Variants in RIT2 observed in about 807,000 individuals in gnomAD.
The protein encoded by RIT2 is Ras like without CAAX 2.
RIT2 carries 24 observed loss-of-function variants against 23.7 expected under a neutral mutation model. The ratio of observed to expected loss-of-function variants is 1.01; its 90% CI spans 0.73 to 1.43. The LOEUF is 1.43. Ranked by LOEUF, RIT2 falls within the 40% of genes most tolerant of loss-of-function variation. RIT2 has a pLI of 0.00. For synonymous variants in RIT2, 107 were observed against 91.1 expected (o/e 1.17, Z -0.99); for missense variants, 236 against 266.9 (o/e 0.88, Z 0.81).
chr18:42,761,454 G>T (rs1913300749), intron 4 of RIT2, among the ~76,000 whole-genome samples: 1 of 152,104 alleles, frequency 6.6e-6, no homozygotes, highest in Admixed American at 6.5e-5. Flanking sequence ...GGACATTAGA[G>T]CAGTGTTCCT....
intron 4 of RIT2, among the ~76,000 whole-genome samples, chr18:42,780,275 T>C (rs1913780368): frequency 2.0e-5 from 3 of 151,908 alleles, no homozygotes; most frequent in Admixed American, 2.0e-4. Context: ...TTCCAGCTCA[T>C]AGGAGGATTT....
At chr18:42,928,741 AATT>A (rs1909247103) in intron 3 of RIT2, among the ~76,000 whole-genome samples, 1 of 151,984 alleles carries the variant, frequency 6.6e-6, no homozygotes, top group Non-Finnish European at 1.5e-5. Flanking sequence ...TGGTTATGTC[AATT>A]TAAATGAAAA....
At chr18:42,902,768 A>G (rs1037155450) in intron 4 of RIT2, among the ~76,000 whole-genome samples, 2 of 151,716 alleles carry the variant, frequency 1.3e-5, no homozygotes, top group African/African-American at 4.8e-5. Flanking sequence ...AAAAGAAACA[A>G]GGAATTGTTA....
chr18:42,806,960 T>C (rs1756175800), intron 4 of RIT2, among the ~76,000 whole-genome samples: 1 of 152,220 alleles, frequency 6.6e-6, no homozygotes, highest in South Asian at 2.1e-4. Flanking sequence ...AGGAAATAAC[T>C]TTTTATCATG....
At chr18:42,820,994 C>T (rs1447959075) in intron 4 of RIT2, among the ~76,000 whole-genome samples, 1 of 152,074 alleles carries the variant, frequency 6.6e-6, no homozygotes, top group Non-Finnish European at 1.5e-5. Flanking sequence ...TCAAGCTTCT[C>T]TTTGTTCTCT....
intron 1 of RIT2, among the ~76,000 whole-genome samples, chr18:43,059,072 G>T (rs1258932385): frequency 6.6e-6 from 1 of 151,898 alleles, no homozygotes; most frequent in Admixed American, 6.6e-5. Flanking sequence ...AGAATGTATG[G>T]AAATGAAATA....
intron 4 of RIT2, among the ~76,000 whole-genome samples, chr18:42,747,247 C>A (rs1166678369): frequency 1.3e-5 from 2 of 151,848 alleles, no homozygotes; most frequent in Non-Finnish European, 2.9e-5. Context: ...TGCTATATAC[C>A]AACAGCGACC....
chr18:42,794,291 C>T (rs1213366960), intron 4 of RIT2, among the ~76,000 whole-genome samples: 3 of 152,118 alleles, frequency 2.0e-5, no homozygotes, highest in African/African-American at 4.8e-5. Flanking sequence ...ATGGTTCTTC[C>T]CTGACTTAGT....
chr18:42,994,790 G>C lies in RIT2; in HGVS notation c.161-20643C>G, dbSNP rs139530036. Among the ~76,000 whole-genome samples, 939 of 152,168 alleles carry C rather than the reference G, an allele frequency of 6.2e-3. 13 individuals are homozygous for C. The highest frequency in any genetic ancestry group is 0.022 in the African/African-American group (908 of 41,496). Reference sequence around the variant, plus strand: ...AGAGGCCCTCAAAATCACAAACTATGCTCAACTTACTCTCTACAGCTCTCA... The same window carrying C: ...AGAGGCCCTCAAAATCACAAACTATCCTCAACTTACTCTCTACAGCTCTCA... On this transcript the variant is annotated intron_variant, in intron 2 of 4. Coordinates refer to ENST00000326695, the MANE Select transcript of RIT2 (RefSeq NM_002930.4).
At chr18:42,921,077 T>G (rs1177973470) in intron 4 of RIT2, among the ~76,000 whole-genome samples, 1 of 152,168 alleles carries the variant, frequency 6.6e-6, no homozygotes, top group Non-Finnish European at 1.5e-5. Context: ...TTGCTATCAA[T>G]ATATTCATTT....
chr18:43,072,366 A>C (rs1912918779), intron 1 of RIT2, among the ~76,000 whole-genome samples: 1 of 152,142 alleles, frequency 6.6e-6, no homozygotes, highest in African/African-American at 2.4e-5. Context: ...TCTTTTTGCG[A>C]ATCAATTTGC....
At chr18:42,843,732 T>C (rs1906831587) in intron 4 of RIT2, among the ~76,000 whole-genome samples, 2 of 152,326 alleles carry the variant, frequency 1.3e-5, no homozygotes, top group African/African-American at 4.8e-5. Context: ...TATAACAGAC[T>C]TGGATATCAG....
intron 4 of RIT2, among the ~76,000 whole-genome samples, chr18:42,889,612 T>C (rs1425192887): frequency 6.6e-6 from 1 of 152,108 alleles, no homozygotes. Context: ...AGTGATTTTT[T>C]TTTGTAATGG....
At chr18:42,804,902 T>C (rs1161448563) in intron 4 of RIT2, among the ~76,000 whole-genome samples, 2 of 152,206 alleles carry the variant, frequency 1.3e-5, no homozygotes, top group African/African-American at 4.8e-5. Context: ...CGCAGGGCAG[T>C]GTGAGGCCAT....
chr18:42,804,536 C>T (rs1361999136), intron 4 of RIT2, among the ~76,000 whole-genome samples: 2 of 92,634 alleles, frequency 2.2e-5, no homozygotes, highest in East Asian at 3.4e-4. Flanking sequence ...GCCTGGGCGA[C>T]AAGAGTGAAA....
At chr18:43,085,355 G>A (rs978833400) in intron 1 of RIT2, among the ~76,000 whole-genome samples, 7 of 151,908 alleles carry the variant, frequency 4.6e-5, no homozygotes, top group Non-Finnish European at 1.0e-4. Context: ...TGTAGCAAGA[G>A]TGTGAAAAAA....
chr18:42,849,013 T>C (rs1906980064), intron 4 of RIT2, among the ~76,000 whole-genome samples: 1 of 152,206 alleles, frequency 6.6e-6, no homozygotes, highest in South Asian at 2.1e-4. Flanking sequence ...AACGATTTTA[T>C]ATGTGTTAGC....
At chr18:43,113,751 C>A (rs1914004998) in intron 1 of RIT2, among the ~76,000 whole-genome samples, 1 of 152,120 alleles carries the variant, frequency 6.6e-6, no homozygotes, top group African/African-American at 2.4e-5. Context: ...CCCCACATCC[C>A]CCAAGCTCCT....
chr18:43,103,504 T>C (rs564091896), intron 1 of RIT2, among the ~76,000 whole-genome samples: 21 of 152,184 alleles, frequency 1.4e-4, no homozygotes, highest in Non-Finnish European at 2.8e-4. Flanking sequence ...TGTGTAACTG[T>C]AAATAGTTAT....
Sources: allele counts gnomAD v4.1 joint callset (sites outside exome capture counted in the v4.1 genomes callset), GRCh38; gene constraint gnomAD v4.1.1; transcripts MANE v1.5; gene names NCBI Gene and HGNC (gene_info 2026-07-23, HGNC 2026-07-21).